The following TUSC3 variants were observed in gnomAD, a reference collection of about 807,000 sequenced individuals.
The protein encoded by TUSC3 is dolichyl-diphosphooligosaccharide--protein glycosyltransferase subunit TUSC3.
A neutral mutation model predicts 44.8 loss-of-function variants in TUSC3; 45 were observed. That is an observed-to-expected ratio of 1.00 (90% CI 0.79 to 1.29). The LOEUF (loss-of-function observed/expected upper bound fraction) is 1.29, where lower values mean the gene tolerates loss of function less well. Ranked by LOEUF, TUSC3 falls within the 50% of genes most tolerant of loss-of-function variation. The pLI is 0.00. For missense variants in TUSC3, 519 were observed against 437.9 expected, an observed-to-expected ratio of 1.19 and a Z score of -1.65; for synonymous variants, 212 against 152.9, an observed-to-expected ratio of 1.39 and a Z score of -2.85.
intron 1 of TUSC3, among the ~76,000 whole-genome samples, chr8:15,421,111 G>A (rs1308580851): frequency 6.6e-6 from 1 of 152,100 alleles, no homozygotes; most frequent in Non-Finnish European, 1.5e-5. Context: ...CCAAAACTGA[G>A]CTACTGATTC....
At chr8:15,424,439 C>T (rs1210734120) in intron 1 of TUSC3, among the ~76,000 whole-genome samples, 2 of 152,120 alleles carry the variant, frequency 1.3e-5, no homozygotes, top group Non-Finnish European at 2.9e-5. Flanking sequence ...AAATAGGACA[C>T]ACTGACTAAT....
the TUSC3 span, among the ~76,000 whole-genome samples, chr8:15,821,359 A>ATTTTTTTT: frequency 7.6e-6 from 1 of 131,296 alleles, no homozygotes; most frequent in Non-Finnish European, 1.6e-5. Flanking sequence ...GTATCTAGGC[A>ATTTTTTTT]TTTTTTTTTT....
At chr8:15,827,187 G>C in the TUSC3 span, among the ~76,000 whole-genome samples, 72,424 of 151,938 alleles carry the variant, frequency 0.48, 18,856 homozygotes, top group East Asian at 0.7. Flanking sequence ...GATGGGGTAC[G>C]CTGGATTTCA....
chr8:15,648,725 CAAAAAAAAAAAAAAAAAAA>C (rs58526383), intron 2 of TUSC3, among the ~76,000 whole-genome samples: 5 of 26,152 alleles, frequency 1.9e-4, no homozygotes, highest in African/African-American at 3.9e-4. Flanking sequence ...GACTCTGTGT[CAAAAAAAAAAAAAAAAAAA>C]AAAAAAAAAA....
chr8:15,728,624 G>A (rs764852300), intron 6 of TUSC3, among the ~76,000 whole-genome samples: 1 of 152,208 alleles, frequency 6.6e-6, no homozygotes, highest in African/African-American at 2.4e-5. Flanking sequence ...AGCAGGTGCT[G>A]GGATAGAAAG....
At chr8:15,751,789 A>C (rs1811716841) in intron 9 of TUSC3, among the ~76,000 whole-genome samples, 1 of 152,214 alleles carries the variant, frequency 6.6e-6, no homozygotes, top group Non-Finnish European at 1.5e-5. Flanking sequence ...TGATCCTAAG[A>C]GATCGTTCTC....
At chr8:15,785,160 C>T in the TUSC3 span, among the ~76,000 whole-genome samples, 1 of 152,080 alleles carries the variant, frequency 6.6e-6, no homozygotes, top group Non-Finnish European at 1.5e-5. Context: ...ACTAAAATCT[C>T]AGAAATCACC....
chr8:15,477,585 G>T (rs1243090127), intron 1 of TUSC3, among the ~76,000 whole-genome samples: 2 of 152,078 alleles, frequency 1.3e-5, no homozygotes, highest in African/African-American at 4.8e-5. Flanking sequence ...AGCCAAGTGA[G>T]GTGGCGGGTG....
At chr8:15,821,130 C>T in the TUSC3 span, among the ~76,000 whole-genome samples, 1 of 152,024 alleles carries the variant, frequency 6.6e-6, no homozygotes, top group African/African-American at 2.4e-5. Context: ...CTTTATTTTG[C>T]CTTCATATCT....
intron 1 of TUSC3, among the ~76,000 whole-genome samples, chr8:15,467,180 T>A (rs1040822390): frequency 7.3e-5 from 11 of 151,600 alleles, no homozygotes; most frequent in Non-Finnish European, 1.5e-4. Context: ...TAGGGTGTTT[T>A]AAGGGTAGTC....
chr8:15,515,235 T>G (rs1801201141), intron 2 of TUSC3, among the ~76,000 whole-genome samples: 1 of 152,186 alleles, frequency 6.6e-6, no homozygotes, highest in Admixed American at 6.5e-5. Context: ...CTTTGATGTT[T>G]TTCCAAGGAC....
chr8:15,494,320 CT>C (rs71211045), intron 2 of TUSC3, among the ~76,000 whole-genome samples: 32 of 136,540 alleles, frequency 2.3e-4, no homozygotes, highest in African/African-American at 5.4e-4. Flanking sequence ...CTCTCATCTT[CT>C]TTTTTTTTTT....
At chr8:15,613,750 A>T (rs1056307124) in intron 1 of TUSC3, among the ~76,000 whole-genome samples, 1 of 152,202 alleles carries the variant, frequency 6.6e-6, no homozygotes, top group Non-Finnish European at 1.5e-5. Flanking sequence ...GTTGTATTAT[A>T]TTCCATCTTA....
intron 2 of TUSC3, among the ~76,000 whole-genome samples, chr8:15,513,383 T>A (rs1468624372): frequency 6.6e-6 from 1 of 152,222 alleles, no homozygotes; most frequent in African/African-American, 2.4e-5. Flanking sequence ...TTTTTCATTT[T>A]ATCTTTCCTA....
At chr8:15,716,939 T>A (rs1810083282) in intron 6 of TUSC3, among the ~76,000 whole-genome samples, 1 of 152,104 alleles carries the variant, frequency 6.6e-6, no homozygotes, top group Non-Finnish European at 1.5e-5. Flanking sequence ...ATGCTCTGAA[T>A]TAAAATCCCT....
chr8:15,805,955 G>T, the TUSC3 span, among the ~76,000 whole-genome samples: 2 of 152,142 alleles, frequency 1.3e-5, no homozygotes, highest in African/African-American at 4.8e-5. Context: ...GTTTACTTAA[G>T]TGTCAAATTT....
At chr8:15,625,675 A>G (rs1182483925) in intron 2 of TUSC3, among the ~76,000 whole-genome samples, 1 of 152,172 alleles carries the variant, frequency 6.6e-6, no homozygotes, top group African/African-American at 2.4e-5. Flanking sequence ...TGTAGTGGAG[A>G]CTGAAGTTAT....
At chr8:15,727,994 A>G (rs547019636) in intron 6 of TUSC3, among the ~76,000 whole-genome samples, 6 of 152,212 alleles carry the variant, frequency 3.9e-5, no homozygotes, top group Non-Finnish European at 5.9e-5. Flanking sequence ...TGCCTTATGT[A>G]TACAAGAAAT....
chr8:15,790,955 G>T, the TUSC3 span, among the ~76,000 whole-genome samples: 1 of 152,076 alleles, frequency 6.6e-6, no homozygotes, highest in African/African-American at 2.4e-5. Flanking sequence ...CAGGAGAGAG[G>T]CATGGTTCAA....
Sources: gnomAD v4.1 joint callset for allele counts (sites outside exome capture counted in the v4.1 genomes callset) on GRCh38, gnomAD v4.1.1 for gene constraint, MANE v1.5 for transcripts, NCBI Gene and HGNC (gene_info 2026-07-23, HGNC 2026-07-21) for gene names.